Variants in HLCS observed in about 807,000 individuals in gnomAD.
HLCS encodes holocarboxylase synthetase.
A neutral mutation model predicts 75.0 loss-of-function variants in HLCS; 53 were observed. That is an observed-to-expected ratio of 0.71 (90% CI 0.57 to 0.89). The LOEUF (loss-of-function observed/expected upper bound fraction) is 0.89. HLCS is among the 40% of genes least tolerant of loss of function. The probability of loss-of-function intolerance (pLI) is 0.00; values close to 1 mark genes in which losing one functional copy is unlikely to be tolerated. For synonymous variants in HLCS, 431 were observed against 428.6 expected (o/e 1.01, Z -0.07); for missense variants, 966 against 1,074.0 (o/e 0.90, Z 1.41).
At chr21:36,989,437 C>T (rs2069297622) in intron 1 of HLCS, among the ~76,000 whole-genome samples, 1 of 151,162 alleles carries the variant, frequency 6.6e-6, no homozygotes, top group East Asian at 1.9e-4. Context: ...GATTCTCCTG[C>T]CTCAGCCTCC....
At chr21:36,981,248 T>C (rs1453763945) in intron 1 of HLCS, among the ~76,000 whole-genome samples, 1 of 152,202 alleles carries the variant, frequency 6.6e-6, no homozygotes. Context: ...GTAGCCAAAT[T>C]TGGCACTCCT....
chr21:36,855,536 TAAAAAAAAAAAA>T (rs71901243), intron 6 of HLCS, among the ~76,000 whole-genome samples: 2 of 75,634 alleles, frequency 2.6e-5, no homozygotes, highest in Admixed American at 1.4e-4. Flanking sequence ...AGACTCCATC[TAAAAAAAAAAAA>T]AAAAAAAAAA....
chr21:36,963,590 T>C (rs1312432799), intron 1 of HLCS, among the ~76,000 whole-genome samples: 5 of 151,930 alleles, frequency 3.3e-5, no homozygotes, highest in Non-Finnish European at 5.9e-5. Context: ...CTGTCTCTAC[T>C]AAAAATACAA....
At chr21:36,906,677 CT>C (rs59652867) in intron 5 of HLCS, among the ~76,000 whole-genome samples, 37,718 of 131,106 alleles carry the variant, frequency 0.29, 4,144 homozygotes, top group Middle Eastern at 0.33. Flanking sequence ...TCCCAGAAGG[CT>C]TTTTTTTTTT....
At chr21:36,920,092 G>A (rs2066097914) in intron 5 of HLCS, among the ~76,000 whole-genome samples, 1 of 152,102 alleles carries the variant, frequency 6.6e-6, no homozygotes, top group Non-Finnish European at 1.5e-5. Context: ...AAGTACTTTG[G>A]GAAGCTGAGG....
intron 4 of HLCS, among the ~76,000 whole-genome samples, chr21:36,933,551 CAAAAAAA>C (rs66614497): frequency 2.4e-5 from 2 of 84,070 alleles, no homozygotes; most frequent in Non-Finnish European, 4.6e-5. Flanking sequence ...AACTCCGTCT[CAAAAAAA>C]AAAAAAAAAA....
intron 6 of HLCS, among the ~76,000 whole-genome samples, chr21:36,801,953 C>T (rs1486026912): frequency 1.3e-5 from 2 of 152,002 alleles, no homozygotes; most frequent in East Asian, 3.9e-4. Flanking sequence ...TTTTCATTTG[C>T]AATTTTAGCA....
chr21:36,945,638 G>A (rs1461941072), intron 2 of HLCS, among the ~76,000 whole-genome samples: 4 of 152,152 alleles, frequency 2.6e-5, no homozygotes, highest in African/African-American at 7.2e-5. Context: ...GTAGATTCGC[G>A]GTTGCCAGGA....
At chr21:36,760,830 C>A (rs1471382868) in intron 8 of HLCS, among the ~76,000 whole-genome samples, 1 of 152,164 alleles carries the variant, frequency 6.6e-6, no homozygotes, top group Non-Finnish European at 1.5e-5. Flanking sequence ...AACAAGGCCA[C>A]CCAGGCCTCT....
intron 6 of HLCS, among the ~76,000 whole-genome samples, chr21:36,841,221 A>G (rs2062604010): frequency 6.6e-6 from 1 of 152,228 alleles, no homozygotes; most frequent in Non-Finnish European, 1.5e-5. Context: ...TTAAGTTTTA[A>G]TGGGTCAAAT....
intron 5 of HLCS, among the ~76,000 whole-genome samples, chr21:36,902,437 G>A (rs542414260): frequency 7.2e-5 from 11 of 152,276 alleles, no homozygotes; most frequent in African/African-American, 2.2e-4. Context: ...TCCCCTCTGC[G>A]GACACCTGGT....
intron 6 of HLCS, among the ~76,000 whole-genome samples, chr21:36,793,748 T>A (rs997880475): frequency 6.6e-6 from 1 of 152,182 alleles, no homozygotes; most frequent in African/African-American, 2.4e-5. Flanking sequence ...ACAAGCATGT[T>A]AGAGATAAAT....
At chr21:36,938,723 G>A (rs759003699) in intron 3 of HLCS, 109 bp downstream of exon 3, 30 of 1,136,030 alleles carry the variant, frequency 2.6e-5, no homozygotes, top group East Asian at 1.9e-4. Flanking sequence ...GGCTGGTCTC[G>A]AACTCCTGGG....
chr21:36,942,398 C>CA lies in HLCS; in HGVS notation c.331-3405dup, dbSNP rs55999516. The stretch of plus-strand genomic sequence containing the variant: ...TGGGCGACAGAGCAAGACTCCGTCT[C>CA]AAAAAAAAAAAAAAAAAAAAAAAAA... On this transcript the variant is annotated intron_variant, in intron 2 of 10. Transcript: ENST00000674895. Among the ~76,000 whole-genome samples the CA allele has an allele frequency of 5.4e-3, 436 of 80,886 alleles. 19 individuals carry two copies. Among genetic ancestry groups the CA allele is most frequent in the African/African-American group, 0.011 (226 of 19,726 alleles). 53.1% of individuals were successfully genotyped at this position (80,886 alleles called of 152,430 possible).
intron 1 of HLCS, among the ~76,000 whole-genome samples, chr21:36,976,960 A>C (rs1340127446): frequency 2.0e-5 from 3 of 152,122 alleles, no homozygotes; most frequent in Non-Finnish European, 4.4e-5. Flanking sequence ...AATATGATGC[A>C]ATCTACAAAC....
chr21:36,818,310 A>G (rs2061722503), intron 6 of HLCS, among the ~76,000 whole-genome samples: 1 of 152,234 alleles, frequency 6.6e-6, no homozygotes, highest in Admixed American at 6.5e-5. Flanking sequence ...TCCCGCGAGG[A>G]GCACATAGGC....
intron 6 of HLCS, among the ~76,000 whole-genome samples, chr21:36,875,944 T>A (rs2063956718): frequency 6.6e-6 from 1 of 151,878 alleles, no homozygotes; most frequent in Non-Finnish European, 1.5e-5. Context: ...AGTTTCTGGA[T>A]GCCACCACAT....
At chr21:36,832,160 C>T (rs1013033509) in intron 6 of HLCS, among the ~76,000 whole-genome samples, 2 of 152,174 alleles carry the variant, frequency 1.3e-5, no homozygotes, top group East Asian at 1.9e-4. Context: ...TATGCCTCGG[C>T]GCCTCTCCTC....
At chr21:36,959,232 T>C (rs764945497) in intron 2 of HLCS, among the ~76,000 whole-genome samples, 2 of 152,160 alleles carry the variant, frequency 1.3e-5, no homozygotes, top group Non-Finnish European at 2.9e-5. Flanking sequence ...TGGAGCAAAA[T>C]TGAAGCTGAG....
Sources: allele counts gnomAD v4.1 joint callset (sites outside exome capture counted in the v4.1 genomes callset), GRCh38; gene constraint gnomAD v4.1.1; transcripts MANE v1.5; gene names NCBI Gene and HGNC (gene_info 2026-07-23, HGNC 2026-07-21).